The following LIPH variants were observed in gnomAD, a reference collection of about 807,000 sequenced individuals.
The protein encoded by LIPH is lipase H.
In LIPH, 32 loss-of-function variants were observed where a neutral mutation model predicts 47.6. That is an observed-to-expected ratio of 0.67 (90% CI 0.51 to 0.90). The LOEUF is 0.90. LIPH is among the 40% of genes least tolerant of loss of function. The pLI is 0.00. For synonymous variants in LIPH, 190 were observed against 195.6 expected, an observed-to-expected ratio of 0.97 and a Z score of 0.24; for missense variants, 497 against 541.4, an observed-to-expected ratio of 0.92 and a Z score of 0.81.
At chr3:185,538,800 C>CACATATAT (rs1424470461) in intron 1 of LIPH, among the ~76,000 whole-genome samples, 4 of 7,982 alleles carry the variant, frequency 5.0e-4, no homozygotes, top group African/African-American at 8.8e-4. Context: ...CATATATACA[C>CACATATAT]ACATATATAC....
chr3:185,538,910 C>CATATATACATATATATACAT (rs1560169713), intron 1 of LIPH, among the ~76,000 whole-genome samples: 1 of 143,422 alleles, frequency 7.0e-6, no homozygotes, highest in Non-Finnish European at 1.5e-5. Flanking sequence ...CACATATACA[C>CATATATACATATATATACAT]ATATATACAC....
chr3:185,549,080 G>A (rs1185345395), intron 1 of LIPH, among the ~76,000 whole-genome samples: 14 of 150,408 alleles, frequency 9.3e-5, no homozygotes, highest in African/African-American at 2.5e-4. Context: ...GCAGTGAGCC[G>A]AGATCGCACC....
intron 3 of LIPH, among the ~76,000 whole-genome samples, chr3:185,528,254 AAAAG>A (rs1427532340): frequency 2.0e-5 from 3 of 150,398 alleles, no homozygotes; most frequent in African/African-American, 4.9e-5. Context: ...GAGAAAGAAA[AAAAG>A]AAAGAAAGCA....
At chr3:185,539,155 G>A (rs1720622249) in intron 1 of LIPH, among the ~76,000 whole-genome samples, 1 of 151,596 alleles carries the variant, frequency 6.6e-6, no homozygotes, top group African/African-American at 2.4e-5. Flanking sequence ...TTTTAGTAGA[G>A]ACGGGGTTTC....
Position 185,527,249 on chromosome 3 carries a change from A to T in LIPH, c.628+235T>A, listed in dbSNP as rs1009992407. Among the ~76,000 whole-genome samples the T allele has an allele frequency of 5.3e-5, 8 of 152,118 alleles. No homozygotes were observed. In the East Asian group the frequency reaches 5.8e-4, roughly 11 times the overall value. ...GCGAGACTCTGTCTCAAAAAAAATT[A>T]AAAAAATAAAAATATGAAGAGACCG... is the stretch of plus-strand genomic sequence containing the variant. On this transcript the variant is annotated intron_variant, in intron 4 of 9. Coordinates refer to ENST00000296252, the MANE Select transcript of LIPH (RefSeq NM_139248.3).
intron 2 of LIPH, 47 bp from the exon 3 acceptor site, chr3:185,533,726 A>G: frequency 8.2e-7 from 1 of 1,222,996 alleles, no homozygotes; most frequent in Non-Finnish European, 1.2e-6. Flanking sequence ...GGGGCCAAGG[A>G]ATTAACATTT....
At chr3:185,550,825 T>G (rs945833972) in intron 1 of LIPH, among the ~76,000 whole-genome samples, 4 of 152,088 alleles carry the variant, frequency 2.6e-5, no homozygotes, top group Admixed American at 1.3e-4. Context: ...GCCTTGGCCT[T>G]TCAGAGTGCT....
chr3:185,529,486 C>T (rs1433727532), intron 3 of LIPH, among the ~76,000 whole-genome samples: 18 of 148,760 alleles, frequency 1.2e-4, no homozygotes, highest in Non-Finnish European at 2.4e-4. Context: ...CTATGTTGCC[C>T]AGGCTGGTCT....
chr3:185,532,555 C>T (rs1251072430), intron 3 of LIPH, among the ~76,000 whole-genome samples: 3 of 151,302 alleles, frequency 2.0e-5, no homozygotes, highest in East Asian at 1.9e-4. Context: ...TTTGGGAGGC[C>T]GAGATGGGTG....
At chr3:185,511,767 C>A in intron 8 of LIPH, 70 bp from the exon 9 acceptor site, 2 of 1,069,652 alleles carry the variant, frequency 1.9e-6, no homozygotes, top group Non-Finnish European at 2.9e-6. Context: ...TTGAAGCCTG[C>A]AAGTCACTGG....
At chr3:185,515,685 T>G (rs1284367044) in intron 7 of LIPH, among the ~76,000 whole-genome samples, 1 of 152,120 alleles carries the variant, frequency 6.6e-6, no homozygotes. Context: ...ATTTTTATAT[T>G]TTGTTTTTGG....
chr3:185,550,556 C>T (rs1012844599), intron 1 of LIPH, among the ~76,000 whole-genome samples: 3 of 152,046 alleles, frequency 2.0e-5, no homozygotes, highest in Non-Finnish European at 4.4e-5. Flanking sequence ...ATTTAAGATA[C>T]CTCTACATTT....
intron 5 of LIPH, among the ~76,000 whole-genome samples, chr3:185,522,484 A>AGGAAGGAAGGAAAAGGAAGGAAGGAG (rs1157543227): frequency 6.6e-6 from 1 of 150,936 alleles, no homozygotes; most frequent in Non-Finnish European, 1.5e-5. Context: ...AAAGGAAAGA[A>AGGAAGGAAGGAAAAGGAAGGAAGGAG]GGAAGGAAGG....
chr3:185,552,334 G>T, intron 1 of LIPH, 89 bp downstream of exon 1: 1 of 895,094 alleles, frequency 1.1e-6, no homozygotes, highest in Non-Finnish European at 1.9e-6. Context: ...TAAGTTCACC[G>T]AAGGAAGTGG....
At chr3:185,527,216 G>C (rs1002446020) in intron 4 of LIPH, among the ~76,000 whole-genome samples, 37 of 151,998 alleles carry the variant, frequency 2.4e-4, no homozygotes, top group Admixed American at 1.0e-3. Flanking sequence ...TCCAGCCTGG[G>C]CGACAGAGCG....
chr3:185,530,097 G>C (rs766387343), intron 3 of LIPH, among the ~76,000 whole-genome samples: 2 of 152,184 alleles, frequency 1.3e-5, no homozygotes, highest in Non-Finnish European at 2.9e-5. Flanking sequence ...AGGATGGCTT[G>C]AGGCCGGGAG....
chr3:185,523,874 C>T lies in LIPH; in HGVS notation c.718+197G>A, dbSNP rs189591625. ...AGTAGCTGGGACTACAGGCATGCGT[C>T]ACCACACCTGGATAATTTTTTGTAT... is the stretch of plus-strand genomic sequence containing the variant. On this transcript the variant is annotated intron_variant, in intron 5 of 9. Transcript: ENST00000296252. Among the ~76,000 whole-genome samples, 19 of 152,152 alleles carry T rather than the reference C, an allele frequency of 1.2e-4. No individual in the cohort carries two copies. In the East Asian group the frequency reaches 3.7e-3, roughly 29 times the overall value.
intron 3 of LIPH, among the ~76,000 whole-genome samples, chr3:185,530,426 C>T (rs1424093581): frequency 2.0e-5 from 3 of 151,680 alleles, no homozygotes; most frequent in Non-Finnish European, 2.9e-5. Context: ...TGCAATAAGC[C>T]GAGATCGTGC....
In LIPH at chr3:185,545,142, A is replaced by G. The variant is rs142718468; in HGVS notation, c.49+7281T>C. On this transcript the variant is annotated intron_variant, in intron 1 of 9. Coordinates refer to ENST00000296252, the MANE Select transcript of LIPH (RefSeq NM_139248.3). ...ACTTCTTCTATTTGAGTTTATCTGA[A>G]ACAGGAGAAATTTTGCCTGTCCTTT... 5.7e-3 allele frequency among the ~76,000 whole-genome samples: 863 copies of G among 152,232 alleles called. 6 individuals are homozygous for G. The highest frequency in any genetic ancestry group is 0.019 in the African/African-American group (806 of 41,534).
Sources: gnomAD v4.1 joint callset for allele counts (sites outside exome capture counted in the v4.1 genomes callset) on GRCh38, gnomAD v4.1.1 for gene constraint, MANE v1.5 for transcripts, NCBI Gene and HGNC (gene_info 2026-07-23, HGNC 2026-07-21) for gene names.